The following BCOR variants were observed in gnomAD, a reference collection of about 807,000 sequenced individuals.
BCOR encodes the protein BCL-6 corepressor.
In BCOR, 10 loss-of-function variants were observed where a neutral mutation model predicts 86.7. The observed-to-expected ratio is 0.12, with a 90% confidence interval of 0.07 to 0.20. The LOEUF is 0.20. Among genes scored for constraint, BCOR ranks in the 10% least tolerant of loss-of-function variants. The probability of loss-of-function intolerance (pLI) is 1.00; values close to 1 mark genes in which losing one functional copy is unlikely to be tolerated. For synonymous variants in BCOR, 611 were observed against 609.0 expected, an observed-to-expected ratio of 1.00 and a Z score of -0.05; for missense variants, 1,259 against 1,452.1, an observed-to-expected ratio of 0.87 and a Z score of 2.16.
At chrX:40,115,649 C>A (rs1467550233) in intron 1 of BCOR, among the ~76,000 whole-genome samples, 1 of 110,013 alleles carries the variant, frequency 9.1e-6, no homozygotes, top group Non-Finnish European at 1.9e-5. Context: ...TGGTGGTGCA[C>A]GCCTGTGATC....
chrX:40,172,183 C>A (rs1238363079), intron 1 of BCOR, among the ~76,000 whole-genome samples: 1 of 112,831 alleles, frequency 8.9e-6, no homozygotes, highest in Non-Finnish European at 1.9e-5. Context: ...GGGTAGACTA[C>A]TACTAGCGGT....
intron 1 of BCOR, among the ~76,000 whole-genome samples, chrX:40,174,596 A>T (rs776382734): frequency 1.8e-5 from 2 of 112,869 alleles, no homozygotes; most frequent in African/African-American, 3.2e-5. Flanking sequence ...AGAACCATCT[A>T]CTACTAACTA....
chrX:40,093,454 G>A (rs930472834), intron 1 of BCOR, among the ~76,000 whole-genome samples: 1 of 111,408 alleles, frequency 9.0e-6, no homozygotes, highest in Non-Finnish European at 1.9e-5. Flanking sequence ...TTTATGTATA[G>A]GGTAACCCAT....
At chrX:40,053,780 G>C (rs753609458) in intron 14 of BCOR, 106 bp downstream of exon 14, 10 of 898,478 alleles carry the variant, frequency 1.1e-5, no homozygotes, top group Non-Finnish European at 1.4e-5. Flanking sequence ...GGACAGTTAA[G>C]GAGGTCACTC....
At chrX:40,147,377 AC>A (rs1406535040) in intron 1 of BCOR, among the ~76,000 whole-genome samples, 1 of 112,634 alleles carries the variant, frequency 8.9e-6, no homozygotes, top group East Asian at 2.8e-4. Flanking sequence ...AGTGAAGGAT[AC>A]CCCAATCCCT....
Position 40,063,713 on chromosome X carries a change from G to T in BCOR, c.3742C>A (p.Gln1248Lys), listed in dbSNP as rs1236782711. 1 of 1,211,710 alleles carries T rather than the reference G, an allele frequency of 8.3e-7. No homozygotes were observed. Among genetic ancestry groups the T allele is most frequent in the African/African-American group, 1.7e-5 (1 of 57,831 alleles). Residue 1248 changes from glutamine to lysine, a missense_variant, in exon 8 of 15, where the codon CAG (glutamine) becomes AAG (lysine). By Grantham distance (53) the Gln-to-Lys change is moderately conservative. This residue lies in a region of BCOR where 305 missense variants were observed against 286.1 expected (regional missense o/e 1.07). Transcript: ENST00000378444. ...TTCTCTTCAGTGATGTTAGTCCCCT[G>T]AGGAATGGCCTCAGGCTGAGTGGCC... Reference protein sequence around the residue: ...TQATQPEAIPQGTNITEEKPG... With the variant: ...TQATQPEAIPKGTNITEEKPG...
chrX:40,144,600 ATTTGT>A (rs1171924184), intron 1 of BCOR, among the ~76,000 whole-genome samples: 2 of 111,773 alleles, frequency 1.8e-5, no homozygotes, highest in Admixed American at 9.5e-5. Flanking sequence ...CATCTTTCTT[ATTTGT>A]TTTATCACCA....
intron 1 of BCOR, among the ~76,000 whole-genome samples, chrX:40,131,058 C>T (rs926825408): frequency 3.6e-5 from 4 of 112,017 alleles, no homozygotes; most frequent in African/African-American, 9.7e-5. Context: ...AGAAGACCCA[C>T]GCCAACCAAA....
At chrX:40,160,537 GTCAA>G (rs997565826) in intron 1 of BCOR, among the ~76,000 whole-genome samples, 6 of 103,593 alleles carry the variant, frequency 5.8e-5, no homozygotes. Context: ...AAAAAAATCA[GTCAA>G]TCAATAAAAA....
intron 1 of BCOR, among the ~76,000 whole-genome samples, chrX:40,176,341 C>T (rs1938751543): frequency 8.9e-6 from 1 of 112,743 alleles, no homozygotes; most frequent in African/African-American, 3.2e-5. Flanking sequence ...ACCTCGCAGC[C>T]CTCCCCGGCC....
In BCOR at chrX:40,073,217, C is replaced by A; in HGVS notation, c.2129G>T (p.Arg710Leu). ...ATCTTGGTAGGTCACAAACTCTGGA[C>A]GGCCGGTGGGAAGCCCATAGGGCAG... The part of the protein sequence containing the change: ...PGLPYGLPTG[R>L]PEFVTYQDAL... Residue 710 changes from arginine (R) to leucine (L), a missense_variant, in exon 4 of 15, where the codon CGT becomes CTT. Arg to Leu is a moderately radical substitution (Grantham distance 102, BLOSUM62 -2). This residue lies in a region of BCOR where 534 missense variants were observed against 594.8 expected (regional missense o/e 0.90). Transcript: ENST00000378444. The A allele has an allele frequency of 8.2e-7, 1 of 1,212,123 alleles. No homozygotes were observed. Among genetic ancestry groups the A allele is most frequent in the Non-Finnish European group, 1.1e-6 (1 of 895,612 alleles).
chrX:40,150,515 G>A (rs773308510), intron 1 of BCOR, among the ~76,000 whole-genome samples: 1 of 112,229 alleles, frequency 8.9e-6, no homozygotes, highest in African/African-American at 3.2e-5. Context: ...AGTTAGAAGC[G>A]GAGGAAAGAG....
chrX:40,057,071 C>T, intron 11 of BCOR, 84 bp downstream of exon 11: 10 of 1,070,128 alleles, frequency 9.3e-6, no homozygotes, highest in Non-Finnish European at 1.3e-5. Context: ...CTGGAATTTC[C>T]CGTATACACT....
chrX:40,139,464 T>TAC (rs1367612200), intron 1 of BCOR, among the ~76,000 whole-genome samples: 1 of 2,919 alleles, frequency 3.4e-4, no homozygotes, highest in South Asian at 0.015. Flanking sequence ...TACATATATA[T>TAC]ATATATATAT....
intron 1 of BCOR, among the ~76,000 whole-genome samples, chrX:40,137,828 G>A (rs1937716733): frequency 8.9e-6 from 1 of 111,946 alleles, no homozygotes; most frequent in African/African-American, 3.2e-5. Flanking sequence ...CCCTGAGAGA[G>A]AAGATCTTAC....
intron 1 of BCOR, among the ~76,000 whole-genome samples, chrX:40,158,361 G>A (rs1005481561): frequency 3.4e-4 from 38 of 111,858 alleles, no homozygotes; most frequent in Non-Finnish European, 5.3e-4. Context: ...AGGCGGCGCT[G>A]CCCCCGGCGG....
At chrX:40,174,488 C>T (rs1938698602) in intron 1 of BCOR, among the ~76,000 whole-genome samples, 1 of 112,680 alleles carries the variant, frequency 8.9e-6, no homozygotes, top group Non-Finnish European at 1.9e-5. Flanking sequence ...AGGGCGGCGG[C>T]AGCACACGTC....
chrX:40,087,700 T>C (rs910796913), intron 1 of BCOR, among the ~76,000 whole-genome samples: 3 of 112,161 alleles, frequency 2.7e-5, no homozygotes, highest in Non-Finnish European at 5.6e-5. Context: ...ATTTCTCTAG[T>C]TGATGTCCTC....
At chrX:40,057,062 T>C (rs1209568299) in intron 11 of BCOR, 93 bp downstream of exon 11, 5 of 1,031,201 alleles carry the variant, frequency 4.8e-6, no homozygotes, top group Non-Finnish European at 6.7e-6. Flanking sequence ...TCTTTCCTCC[T>C]GGAATTTCCC....
Sources: gnomAD v4.1 joint callset for allele counts (sites outside exome capture counted in the v4.1 genomes callset) on GRCh38, gnomAD v4.1.1 for gene constraint, gnomAD v4.1.1 regional missense constraint, MANE v1.5 for transcripts, NCBI Gene and HGNC (gene_info 2026-07-23, HGNC 2026-07-21) for gene names.